The following HSD17B12 variants were observed in gnomAD, a reference collection of about 807,000 sequenced individuals.
The protein encoded by HSD17B12 is very-long-chain 3-oxoacyl-CoA reductase.
In HSD17B12, 32 loss-of-function variants were observed where a neutral mutation model predicts 39.3. The observed-to-expected ratio is 0.81, with a 90% confidence interval of 0.61 to 1.09. The LOEUF is 1.09. Among genes scored for constraint, HSD17B12 ranks in the 50% least tolerant of loss-of-function variants. HSD17B12 has a pLI of 0.00. For synonymous variants in HSD17B12, 150 were observed against 146.7 expected (o/e 1.02, Z -0.16); for missense variants, 342 against 382.9 (o/e 0.89, Z 0.89).
chr11:43,772,578 T>C (rs1444206584), intron 3 of HSD17B12, among the ~76,000 whole-genome samples: 2 of 152,220 alleles, frequency 1.3e-5, no homozygotes, highest in East Asian at 3.8e-4. Context: ...ACTGCTTTGG[T>C]AGATGAAAGA....
At chr11:43,619,037 T>C in the HSD17B12 span, among the ~76,000 whole-genome samples, 6 of 150,912 alleles carry the variant, frequency 4.0e-5, no homozygotes, top group Non-Finnish European at 8.8e-5. Context: ...ACAAGAGACT[T>C]CTTTTTTAAG....
chr11:43,738,004 CGGAG>C (rs1641859702), intron 1 of HSD17B12, among the ~76,000 whole-genome samples: 1 of 142,164 alleles, frequency 7.0e-6, no homozygotes, highest in Admixed American at 7.5e-5. Context: ...ACCCGGCAGG[CGGAG>C]CTTGCAGTGA....
At chr11:43,734,782 C>T (rs937608006) in intron 1 of HSD17B12, among the ~76,000 whole-genome samples, 2 of 152,248 alleles carry the variant, frequency 1.3e-5, no homozygotes, top group Non-Finnish European at 2.9e-5. Context: ...ATTCTCATTA[C>T]ATAAAATTAA....
intron 1 of HSD17B12, among the ~76,000 whole-genome samples, chr11:43,725,883 C>G (rs769673269): frequency 3.9e-5 from 6 of 152,014 alleles, no homozygotes; most frequent in African/African-American, 9.7e-5. Context: ...AATGGAGGAG[C>G]CATTTTGAGC....
chr11:43,768,578 G>C (rs917416366), intron 3 of HSD17B12, among the ~76,000 whole-genome samples: 1 of 152,172 alleles, frequency 6.6e-6, no homozygotes, highest in Non-Finnish European at 1.5e-5. Flanking sequence ...TGTTCCTCCA[G>C]ATGGGTCCAG....
rs563600315 is a variant in HSD17B12 at position 43,734,117 on chromosome 11, C to T, written c.161-16794C>T. 3.1e-6 allele frequency: 4 copies of T among 1,281,652 alleles called. No homozygotes were observed. The South Asian group carries it at 4.9e-5, about 16-fold the overall frequency. The allele number at this position is 1,281,652 out of a possible 1,614,324, so 79.4% of individuals were successfully genotyped here. Reference sequence around the variant, plus strand: ...ACTATGATGAGCGTGTGCTGCCGTCCATCACTACCAAATCAAGTCAGTGGT... The same window carrying T: ...ACTATGATGAGCGTGTGCTGCCGTCTATCACTACCAAATCAAGTCAGTGGT... On this transcript the variant is annotated intron_variant, in intron 1 of 10. Coordinates refer to ENST00000278353, the MANE Select transcript of HSD17B12 (RefSeq NM_016142.3).
intron 6 of HSD17B12, among the ~76,000 whole-genome samples, chr11:43,820,443 T>A (rs189409139): frequency 6.6e-6 from 1 of 152,356 alleles, no homozygotes; most frequent in Non-Finnish European, 1.5e-5. Flanking sequence ...TTGCACCTAT[T>A]GTTCTTTAGT....
At chr11:43,590,807 CT>C in the HSD17B12 span, among the ~76,000 whole-genome samples, 17,995 of 125,304 alleles carry the variant, frequency 0.14, 1,365 homozygotes, top group Middle Eastern at 0.26. Flanking sequence ...CCCAGCTCGA[CT>C]TTTTTTTTTT....
chr11:43,602,801 C>G, the HSD17B12 span, among the ~76,000 whole-genome samples: 1 of 151,882 alleles, frequency 6.6e-6, no homozygotes, highest in Non-Finnish European at 1.5e-5. Context: ...GGATGGGAAA[C>G]AGCACAGGAA....
the HSD17B12 span, among the ~76,000 whole-genome samples, chr11:43,583,806 G>A: frequency 6.6e-6 from 1 of 152,076 alleles, no homozygotes; most frequent in Non-Finnish European, 1.5e-5. Context: ...CCAACCTCTG[G>A]AGGCCCTATA....
At chr11:43,787,188 C>T (rs1365077378) in intron 3 of HSD17B12, among the ~76,000 whole-genome samples, 3 of 152,158 alleles carry the variant, frequency 2.0e-5, no homozygotes, top group Middle Eastern at 3.4e-3. Flanking sequence ...GTGATCCACC[C>T]GCCTCCGCCT....
the HSD17B12 span, among the ~76,000 whole-genome samples, chr11:43,668,186 T>G: frequency 6.6e-6 from 1 of 152,242 alleles, no homozygotes; most frequent in Non-Finnish European, 1.5e-5. Flanking sequence ...TGGATCTCAC[T>G]GGGCTAAAGT....
the HSD17B12 span, among the ~76,000 whole-genome samples, chr11:43,619,211 AT>A: frequency 3.4e-4 from 13 of 37,720 alleles, no homozygotes; most frequent in African/African-American, 7.7e-4. Flanking sequence ...ATATATATAT[AT>A]AAAATATATA....
chr11:43,572,258 C>G, the HSD17B12 span, among the ~76,000 whole-genome samples: 1 of 152,158 alleles, frequency 6.6e-6, no homozygotes, highest in Non-Finnish European at 1.5e-5. Context: ...GCTAAACCAG[C>G]TAGGGCTTTC....
chr11:43,810,173 C>T (rs1264237019), intron 4 of HSD17B12, among the ~76,000 whole-genome samples: 2 of 152,010 alleles, frequency 1.3e-5, no homozygotes, highest in Non-Finnish European at 2.9e-5. Context: ...TCCTCTCTCA[C>T]GCCTAACCCA....
intron 7 of HSD17B12, 142 bp from the exon 8 acceptor site, chr11:43,838,175 C>T: frequency 1.5e-6 from 1 of 649,640 alleles, no homozygotes; most frequent in Admixed American, 2.3e-5. Context: ...ATAGCACATA[C>T]TGATGAAAGG....
At chr11:43,663,859 T>C in the HSD17B12 span, among the ~76,000 whole-genome samples, 2 of 151,808 alleles carry the variant, frequency 1.3e-5, no homozygotes, top group Non-Finnish European at 2.9e-5. Flanking sequence ...TTTTTATTTT[T>C]TATTTTTATT....
chr11:43,581,256 G>A, the HSD17B12 span: 2 of 454,288 alleles, frequency 4.4e-6, no homozygotes, highest in Non-Finnish European at 9.0e-6. This position sits in a 1 kb window ranked among gnomAD's most constrained non-coding sequence, Gnocchi z 4.9. Flanking sequence ...GTCCAGGGGC[G>A]CGGAGGGGCG....
At chr11:43,578,429 G>T in the HSD17B12 span, among the ~76,000 whole-genome samples, 5 of 152,162 alleles carry the variant, frequency 3.3e-5, no homozygotes, top group Admixed American at 6.5e-5. Context: ...CTCTCGGAAG[G>T]TTCCCTGACT....
Sources: gnomAD v4.1 joint callset for allele counts (sites outside exome capture counted in the v4.1 genomes callset) on GRCh38, gnomAD v4.1.1 for gene constraint, Gnocchi (gnomAD v3.1) non-coding constraint, MANE v1.5 for transcripts, NCBI Gene and HGNC (gene_info 2026-07-23, HGNC 2026-07-21) for gene names.